Variants in SCYL1 observed in about 807,000 individuals in gnomAD.
The protein encoded by SCYL1 is SCY1 like pseudokinase 1, also known as N-terminal kinase-like protein.
A neutral mutation model predicts 94.8 loss-of-function variants in SCYL1; 85 were observed. The ratio of observed to expected loss-of-function variants is 0.90; its 90% confidence interval spans 0.75 to 1.07. SCYL1 has a LOEUF of 1.07. SCYL1 is among the 50% of genes least tolerant of loss of function. The pLI is 0.00. For missense variants in SCYL1, 968 were observed against 1,083.3 expected (o/e 0.89, Z 1.49); for synonymous variants, 459 against 435.5 (o/e 1.05, Z -0.67).
chr11:65,533,588 G>C (rs1443478612), intron 9 of SCYL1, among the ~76,000 whole-genome samples: 1 of 151,270 alleles, frequency 6.6e-6, no homozygotes, highest in African/African-American at 2.4e-5. Flanking sequence ...AGACCAGCCT[G>C]GTCATCATGG....
At position 65,531,778 on chromosome 11, in the gene SCYL1, AC is replaced by A. The variant is rs924901757; in HGVS notation, c.1116+99del. 5 of 862,614 alleles carry A rather than the reference AC, an allele frequency of 5.8e-6. No homozygotes were observed. The African/African-American group carries it at 6.7e-5, about 12-fold the overall frequency. 53.4% of individuals were successfully genotyped at this position (862,614 alleles called of 1,614,324 possible). ...CCCTGGCTGCACAGGGACCCCAGAA[AC>A]CCCACCCCTGAACATACACACAACT... On this transcript the variant is annotated intron_variant, in intron 8 of 17. Coordinates refer to ENST00000270176, the MANE Select transcript of SCYL1 (RefSeq NM_020680.4).
rs1232524950 is a variant in SCYL1, at chr11:65,538,547, G to C, written c.2408G>C (p.Gly803Ala). The change falls in exon 18 of 18, where the codon GGA (glycine) becomes GCA (alanine). Residue 803 changes from glycine (G) to alanine (A), a missense_variant. By Grantham distance (60) the Gly-to-Ala change is moderately conservative. This residue lies in a region of SCYL1 where 474 missense variants were observed against 463.6 expected (regional missense o/e 1.02). Coordinates refer to ENST00000270176, the MANE Select transcript of SCYL1 (RefSeq NM_020680.4). ...GTGGCCAAGGGCCCCATGAAGCTGG[G>C]AGCCCGGAAGCTGGACTGAACCGTG... The part of the protein sequence containing the change: ...RKVAKGPMKL[G>A]ARKLD 3.1e-6 allele frequency: 5 copies of C among 1,611,592 alleles called. No homozygotes were observed. The highest frequency in any genetic ancestry group is 4.2e-6 in the Non-Finnish European group (5 of 1,179,534).
At chr11:65,534,662 T>G (rs1323811784) in intron 9 of SCYL1, among the ~76,000 whole-genome samples, 1 of 152,120 alleles carries the variant, frequency 6.6e-6, no homozygotes, top group African/African-American at 2.4e-5. Context: ...AGCCATGAAA[T>G]GGCTGAGATC....
intron 2 of SCYL1, 73 bp downstream of exon 2, chr11:65,525,787 C>G: frequency 6.3e-7 from 1 of 1,594,016 alleles, no homozygotes; most frequent in Admixed American, 1.7e-5. Flanking sequence ...TCCCCTCCTG[C>G]CCTGTTTCCA....
Position 65,526,971 on chromosome 11 carries a change from A to C in SCYL1, c.703A>C (p.Thr235Pro). The C allele has an allele frequency of 6.2e-7, 1 of 1,610,608 alleles. No homozygotes were observed. ...GACCCCTCCCCTACAGATCCCCAAA[A>C]CGCTGGTGCCCCATTACTGTGAGCT... ...ALRNPGKIPK[T>P]LVPHYCELVG... Residue 235 changes from threonine to proline, a missense_variant, in exon 6 of 18, where the codon ACG becomes CCG. Physicochemically the swap from Thr to Pro is conservative, Grantham distance 38. Transcript: ENST00000270176. This position sits in a 1 kb window ranked among gnomAD's most constrained non-coding sequence, Gnocchi z 4.1.
At chr11:65,532,836 C>T (rs1855454751) in intron 9 of SCYL1, 31 bp downstream of exon 9, 2 of 1,562,454 alleles carry the variant, frequency 1.3e-6, no homozygotes, top group Non-Finnish European at 8.8e-7. Context: ...AGTGGCTACC[C>T]CTGGTTTTCC....
intron 8 of SCYL1, 117 bp from the exon 9 acceptor site, chr11:65,532,574 GT>G: frequency 1.3e-6 from 1 of 794,158 alleles, no homozygotes; most frequent in East Asian, 2.7e-5. Context: ...GGCTCAGGAG[GT>G]TGACCTGGCT....
At chr11:65,530,852 T>C in intron 7 of SCYL1, 65 bp downstream of exon 7, 1 of 1,538,474 alleles carries the variant, frequency 6.5e-7, no homozygotes, top group South Asian at 1.2e-5. Flanking sequence ...GAGAAGGCCC[T>C]GGGGTAGGGC....
Position 65,536,456 on chromosome 11 carries a change from C to A in SCYL1, c.1651+122C>A, listed in dbSNP as rs113307835. On this transcript the variant is annotated intron_variant, in intron 12 of 17. Transcript: ENST00000270176. The stretch of plus-strand genomic sequence containing the variant: ...GTGAGCAGACTTGACTCAGCTCCCC[C>A]TTCACAGATGGGAGAAATCAGGCCT... The A allele has an allele frequency of 1.3e-4, 185 of 1,413,650 alleles. 5 individuals are homozygous for A. The African/African-American group carries it at 2.0e-3, about 15-fold the overall frequency. The allele number at this position is 1,413,650 out of a possible 1,614,324, so 87.6% of individuals were successfully genotyped here.
In SCYL1 at chr11:65,529,168, G is replaced by A. The variant is rs77569865; in HGVS notation, c.850-1461G>A. Among the ~76,000 whole-genome samples, 344 of 152,288 alleles carry A rather than the reference G, an allele frequency of 2.3e-3. 8 individuals carry two copies. The East Asian group carries it at 0.062, about 27-fold the overall frequency. On this transcript the variant is annotated intron_variant, in intron 6 of 17. Transcript: ENST00000270176. ...ACACTCCACAGACCCTGACCCAGCA[G>A]AGGTCATGGAATCTTGACTCAGATG...
chr11:65,536,561 A>C (rs1565078323), intron 12 of SCYL1, 25 bp from the exon 13 acceptor site: 2 of 1,612,288 alleles, frequency 1.2e-6, no homozygotes, highest in East Asian at 2.2e-5. Context: ...GCCCATACCC[A>C]CCTCTCTCTC....
At chr11:65,532,319 G>A (rs992092458) in intron 8 of SCYL1, among the ~76,000 whole-genome samples, 15 of 151,956 alleles carry the variant, frequency 9.9e-5, no homozygotes, top group Non-Finnish European at 1.9e-4. Context: ...CAGCTGCTCA[G>A]GAGGCTGAGG....
intron 6 of SCYL1, among the ~76,000 whole-genome samples, chr11:65,527,601 G>A (rs534034466): frequency 5.3e-5 from 8 of 151,836 alleles, no homozygotes; most frequent in Non-Finnish European, 1.0e-4. Context: ...TCAGCTGGGC[G>A]GGCATCTGTA....
intron 10 of SCYL1, chr11:65,535,738 G>C (rs952893966): frequency 1.7e-6 from 1 of 593,182 alleles, no homozygotes; most frequent in African/African-American, 1.9e-5. Context: ...CTGCTGTTGT[G>C]GTCCCATGCC....
intron 10 of SCYL1, 117 bp from the exon 11 acceptor site, chr11:65,535,836 A>T: frequency 9.8e-7 from 1 of 1,018,960 alleles, no homozygotes; most frequent in Non-Finnish European, 1.4e-6. Context: ...TGATTCATTC[A>T]TATTTTTCAG....
Position 65,535,396 on chromosome 11 carries a change from A to C in SCYL1, c.1386+14A>C. 6.2e-7 allele frequency: 1 copy of C among 1,611,194 alleles called. No homozygotes were observed. Among genetic ancestry groups the C allele is most frequent in the Non-Finnish European group, 8.5e-7 (1 of 1,177,534 alleles). ...CTCAGTGCTAGCGTGAGTGTCCTGC[A>C]CAACTGCTGGAGCCCGGTCCCTGTC... is the stretch of plus-strand genomic sequence containing the variant. On this transcript the variant is annotated intron_variant, in intron 10 of 17. Coordinates refer to ENST00000270176, the MANE Select transcript of SCYL1 (RefSeq NM_020680.4).
Position 65,525,972 on chromosome 11 carries a change from T to C in SCYL1, c.304T>C (p.Tyr102His). 3.1e-6 allele frequency: 5 copies of C among 1,613,554 alleles called. No homozygotes were observed. The highest frequency in any genetic ancestry group is 4.2e-6 in the Non-Finnish European group (5 of 1,179,960). ...AGAGGCTGTGACCCCGTTGGGAATA[T>C]ACCTCAAGGCGAGAGTGGAGGCTGG... The part of the protein sequence containing the change: ...VTEAVTPLGI[Y>H]LKARVEAGGL... Residue 102 changes from tyrosine (Y) to histidine (H), a missense_variant, in exon 3 of 18, where the codon TAC (tyrosine) becomes CAC (histidine). By Grantham distance (83) the Tyr-to-His change is moderately conservative. This residue lies in a region of SCYL1 where 494 missense variants were observed against 619.7 expected (regional missense o/e 0.80). Transcript: ENST00000270176.
Position 65,527,122 on chromosome 11 carries a change from GC to G in SCYL1, c.849+10del. On this transcript the variant is annotated splice_donor_region_variant and intron_variant, in intron 6 of 17. Transcript: ENST00000270176. ...CTCTTCCTGGAGGAGATTCAGGTGA[GC>G]CCCCAACCCACCCTGGGCTTCGACC... 6.2e-7 allele frequency: 1 copy of G among 1,611,666 alleles called. No individual in the cohort carries two copies. Among genetic ancestry groups the G allele is most frequent in the Non-Finnish European group, 8.5e-7 (1 of 1,178,442 alleles).
In SCYL1 at chr11:65,536,324, G is replaced by A. The variant is rs1350797109; in HGVS notation, c.1641G>A (p.Leu547=). The A allele has an allele frequency of 1.9e-6, 3 of 1,613,974 alleles. No individual in the cohort carries two copies. Among genetic ancestry groups the A allele is most frequent in the Admixed American group, 3.3e-5 (2 of 60,000 alleles). The part of the protein sequence containing the change: ...LESVSEDPTQ[L]EEVEKDVHAA... ...CTGTGTCGGAGGACCCGACCCAGCT[G>A]GAGGAAGTGGGTGAGTGGCTTACAC... Residue 547 remains leucine (L), a synonymous_variant, in exon 12 of 18, where the codon CTG becomes CTA. Coordinates refer to ENST00000270176, the MANE Select transcript of SCYL1 (RefSeq NM_020680.4).
Sources: allele counts gnomAD v4.1 joint callset (sites outside exome capture counted in the v4.1 genomes callset), GRCh38; gene constraint gnomAD v4.1.1; regional missense constraint gnomAD v4.1.1; non-coding constraint Gnocchi (gnomAD v3.1); transcripts MANE v1.5; gene names NCBI Gene and HGNC (gene_info 2026-07-23, HGNC 2026-07-21).